The following DSCAM variants were observed in gnomAD, a reference collection of about 807,000 sequenced individuals.
DSCAM encodes DS cell adhesion molecule.
A neutral mutation model predicts 217.7 loss-of-function variants in DSCAM; 47 were observed. The ratio of observed to expected loss-of-function variants is 0.22; its 90% CI spans 0.17 to 0.28. The LOEUF is 0.28. Among genes scored for constraint, DSCAM ranks in the 10% least tolerant of loss-of-function variants. The pLI is 1.00. For synonymous variants in DSCAM, 1,056 were observed against 1,015.3 expected (o/e 1.04, Z -0.76); for missense variants, 2,080 against 2,618.3 (o/e 0.79, Z 4.49).
chr21:40,356,675 G>A (rs188765967), intron 4 of DSCAM, among the ~76,000 whole-genome samples: 450 of 152,276 alleles, frequency 3.0e-3, no homozygotes, highest in African/African-American at 0.01. Flanking sequence ...TATTGAGAAT[G>A]GAACTGCACG....
chr21:40,728,766 T>C (rs1359465223), intron 1 of DSCAM, among the ~76,000 whole-genome samples: 1 of 152,194 alleles, frequency 6.6e-6, no homozygotes, highest in African/African-American at 2.4e-5. Context: ...CACAGCACCT[T>C]AGGCCCTTCC....
At chr21:40,512,830 G>A (rs73362988) in intron 3 of DSCAM, among the ~76,000 whole-genome samples, 11,773 of 151,694 alleles carry the variant, frequency 0.078, 757 homozygotes, top group African/African-American at 0.17. Flanking sequence ...AACTGCAGGG[G>A]AGGGAAGGGA....
intron 10 of DSCAM, among the ~76,000 whole-genome samples, 199 bp downstream of exon 10, chr21:40,295,856 C>A (rs73904769): frequency 5.3e-5 from 8 of 152,266 alleles, no homozygotes; most frequent in South Asian, 2.1e-4. Context: ...ATGTTATGTA[C>A]AACAGACACG....
At chr21:40,500,238 T>C (rs927179215) in intron 3 of DSCAM, among the ~76,000 whole-genome samples, 3 of 152,216 alleles carry the variant, frequency 2.0e-5, no homozygotes, top group Admixed American at 1.3e-4. Context: ...ATATTTTGTT[T>C]TTTAAGTTTT....
intron 2 of DSCAM, among the ~76,000 whole-genome samples, chr21:40,704,780 T>C (rs567322665): frequency 1.3e-5 from 2 of 152,330 alleles, no homozygotes; most frequent in South Asian, 4.1e-4. Flanking sequence ...TATATTCATG[T>C]CTGTTCCAGT....
At chr21:40,548,385 A>T (rs1423181034) in intron 3 of DSCAM, among the ~76,000 whole-genome samples, 3 of 152,098 alleles carry the variant, frequency 2.0e-5, no homozygotes, top group Non-Finnish European at 4.4e-5. Context: ...AAACCAGCTC[A>T]TCTTAAAGCG....
chr21:40,580,158 T>G (rs1384005507), intron 3 of DSCAM, among the ~76,000 whole-genome samples: 1 of 151,466 alleles, frequency 6.6e-6, no homozygotes, highest in Non-Finnish European at 1.5e-5. Context: ...CTCGGCTCAC[T>G]GCAAGCTCTG....
chr21:40,336,266 T>G (rs2074429403), intron 8 of DSCAM, among the ~76,000 whole-genome samples: 1 of 152,184 alleles, frequency 6.6e-6, no homozygotes, highest in Non-Finnish European at 1.5e-5. Context: ...TATGCGGTCT[T>G]TTCTATTTGT....
At chr21:40,615,676 C>T (rs1044899218) in intron 3 of DSCAM, among the ~76,000 whole-genome samples, 7 of 152,034 alleles carry the variant, frequency 4.6e-5, no homozygotes, top group Non-Finnish European at 7.4e-5. Context: ...GTACCTCAGA[C>T]CACAGCTAAG....
intron 3 of DSCAM, among the ~76,000 whole-genome samples, chr21:40,404,768 G>A (rs1292964388): frequency 6.6e-6 from 1 of 152,206 alleles, no homozygotes; most frequent in African/African-American, 2.4e-5. Flanking sequence ...AGCTCACTGT[G>A]CTGTCATCCT....
At chr21:40,571,774 G>A (rs978442324) in intron 3 of DSCAM, among the ~76,000 whole-genome samples, 1 of 152,150 alleles carries the variant, frequency 6.6e-6, no homozygotes, top group Non-Finnish European at 1.5e-5. Flanking sequence ...CATTTTAGTA[G>A]AGATGAGGTT....
chr21:40,597,457 G>A (rs566697217), intron 3 of DSCAM, among the ~76,000 whole-genome samples: 8 of 139,432 alleles, frequency 5.7e-5, no homozygotes, highest in Admixed American at 7.0e-5. Context: ...TTTGCAAGCC[G>A]GTTTTTTTTT....
At chr21:40,173,687 C>A (rs1203888442) in intron 15 of DSCAM, among the ~76,000 whole-genome samples, 1 of 152,134 alleles carries the variant, frequency 6.6e-6, no homozygotes, top group East Asian at 1.9e-4. Flanking sequence ...CTCATTCCAT[C>A]CTCTCCCCTC....
At chr21:40,221,228 A>G (rs898870859) in intron 11 of DSCAM, among the ~76,000 whole-genome samples, 3 of 151,960 alleles carry the variant, frequency 2.0e-5, no homozygotes, top group Non-Finnish European at 2.9e-5. Flanking sequence ...TCCCAGAACT[A>G]CACTACCTGT....
chr21:40,059,199 GAAC>G (rs889254018), intron 28 of DSCAM, among the ~76,000 whole-genome samples: 15 of 152,082 alleles, frequency 9.9e-5, no homozygotes, highest in Non-Finnish European at 2.1e-4. Context: ...ACAAAAATAT[GAAC>G]ATCAAAAAAG....
At chr21:40,317,291 T>A (rs1390251786) in intron 8 of DSCAM, among the ~76,000 whole-genome samples, 1 of 152,222 alleles carries the variant, frequency 6.6e-6, no homozygotes, top group East Asian at 1.9e-4. Flanking sequence ...ACTGACCCAG[T>A]CTGATACAGT....
chr21:40,325,240 T>G (rs2074304788), intron 8 of DSCAM, among the ~76,000 whole-genome samples: 1 of 152,166 alleles, frequency 6.6e-6, no homozygotes, highest in Non-Finnish European at 1.5e-5. Context: ...AGACTGCCTC[T>G]GACAGCACCA....
intron 3 of DSCAM, among the ~76,000 whole-genome samples, chr21:40,550,228 C>G (rs945698009): frequency 2.6e-5 from 4 of 152,064 alleles, no homozygotes; most frequent in South Asian, 4.2e-4. Context: ...GCCATCTACT[C>G]AAAAATATTT....
At chr21:40,570,797 A>C (rs1401902806) in intron 3 of DSCAM, among the ~76,000 whole-genome samples, 3 of 152,246 alleles carry the variant, frequency 2.0e-5, no homozygotes, top group Non-Finnish European at 4.4e-5. Context: ...GAAAAGAATC[A>C]AAGGCAGGCC....
Sources: allele counts gnomAD v4.1 joint callset (sites outside exome capture counted in the v4.1 genomes callset), GRCh38; gene constraint gnomAD v4.1.1; transcripts MANE v1.5; gene names NCBI Gene and HGNC (gene_info 2026-07-23, HGNC 2026-07-21).